The following FGF13 variants were observed in gnomAD, a reference collection of about 807,000 sequenced individuals.
The protein encoded by FGF13 is fibroblast growth factor homologous factor 2.
FGF13 carries 2 observed loss-of-function variants against 19.5 expected under a neutral mutation model. The observed-to-expected ratio is 0.10, with a 90% CI of 0.04 to 0.32. The LOEUF (loss-of-function observed/expected upper bound fraction) is 0.32, where lower values mean the gene tolerates loss of function less well. Among genes scored for constraint, FGF13 ranks in the 10% least tolerant of loss-of-function variants. The pLI, the probability that FGF13 is intolerant of heterozygous loss-of-function variation, is 1.00. For synonymous variants in FGF13, 72 were observed against 76.9 expected (o/e 0.94, Z 0.33); for missense variants, 113 against 192.7 (o/e 0.59, Z 2.45).
In FGF13 at chrX:139,197,730, G is replaced by A. The variant is rs143010435; in HGVS notation, c.-113+5686C>T. ...TAGGAGGCCAGGTGCAGTGGCTCACGCCTGTAATCCCAGCACTTTGGGAGG... is the reference window on the plus strand; with the variant it reads ...TAGGAGGCCAGGTGCAGTGGCTCACACCTGTAATCCCAGCACTTTGGGAGG... On this transcript the variant is annotated intron_variant, in intron 1 of 2. Coordinates refer to the FGF13 transcript ENST00000421460. 2.0e-4 allele frequency among the ~76,000 whole-genome samples: 22 copies of A among 111,674 alleles called. 1 individual carries two copies. In the East Asian group the frequency reaches 6.2e-3, roughly 31 times the overall value.
In FGF13 at chrX:138,630,665, C is replaced by T. The variant is rs2089106550; in HGVS notation, c.*2185G>A. On this transcript the variant is annotated 3_prime_UTR_variant, in exon 5 of 5. Transcript: ENST00000315930. ...AGAAATGAGGAGTCTCCCCTCCTTG[C>T]AAAAGCAGGCTGTTTGGGGCCCCAG... is the stretch of plus-strand genomic sequence containing the variant. The T allele has an allele frequency of 9.0e-6, 1 of 111,304 alleles. No homozygotes were observed. Among genetic ancestry groups the T allele is most frequent in the South Asian group, 3.8e-4 (1 of 2,617 alleles). 9.2% of individuals were successfully genotyped at this position (111,304 alleles called of 1,213,427 possible).
At chrX:138,701,590 G>T (rs1439549745) in intron 3 of FGF13, among the ~76,000 whole-genome samples, 1 of 112,396 alleles carries the variant, frequency 8.9e-6, no homozygotes, top group African/African-American at 3.2e-5. Context: ...AGTGACCAGG[G>T]TTTGAGGTAT....
intron 1 of FGF13, among the ~76,000 whole-genome samples, chrX:139,191,984 G>C (rs2084333823): frequency 8.9e-6 from 1 of 111,815 alleles, no homozygotes; most frequent in Non-Finnish European, 1.9e-5. Context: ...CTCTCTGCGA[G>C]AGCCGAGGCT....
chrX:139,134,805 T>A (rs2083787474), intron 1 of FGF13, among the ~76,000 whole-genome samples: 1 of 111,860 alleles, frequency 8.9e-6, no homozygotes, highest in Non-Finnish European at 1.9e-5. Flanking sequence ...CCCATCCTCA[T>A]GCCTGGCTAA....
intron 1 of FGF13, among the ~76,000 whole-genome samples, chrX:139,176,096 T>C (rs1165028230): frequency 8.9e-6 from 1 of 111,879 alleles, no homozygotes; most frequent in African/African-American, 3.3e-5. Flanking sequence ...ATTGGTCTAT[T>C]CAGGGAATCA....
At position 138,798,976 on chromosome X, in the gene FGF13, G is replaced by A. The variant is rs1177686323; in HGVS notation, c.217+58536C>T. ...TCTGTTCTTTATTAGTCTGGCTAGC[G>A]GTCCATCTATTTTGTTATTCTTTTC... is the stretch of plus-strand genomic sequence containing the variant. On this transcript the variant is annotated intron_variant, in intron 3 of 6. Coordinates refer to the FGF13 transcript ENST00000436198. 1.4e-4 allele frequency among the ~76,000 whole-genome samples: 15 copies of A among 110,612 alleles called. No individual in the cohort carries two copies. In the South Asian group the frequency reaches 1.9e-3, roughly 14 times the overall value.
At chrX:138,640,037 A>G (rs1332111392) in intron 3 of FGF13, among the ~76,000 whole-genome samples, 2 of 111,177 alleles carry the variant, frequency 1.8e-5, no homozygotes, top group East Asian at 5.6e-4. Flanking sequence ...TTATAGTATA[A>G]TGATAATATT....
intron 3 of FGF13, among the ~76,000 whole-genome samples, chrX:138,684,706 C>A (rs2089762310): frequency 9.0e-6 from 1 of 111,592 alleles, no homozygotes; most frequent in Non-Finnish European, 1.9e-5. Context: ...GATGCCTCTG[C>A]AGGCTTTTTA....
intron 1 of FGF13, among the ~76,000 whole-genome samples, chrX:139,020,333 C>G (rs527754545): frequency 9.0e-6 from 1 of 111,272 alleles, no homozygotes; most frequent in Non-Finnish European, 1.9e-5. Context: ...AAACTACCAG[C>G]TTATCAATGT....
intron 1 of FGF13, among the ~76,000 whole-genome samples, chrX:139,146,532 C>G (rs945112903): frequency 5.3e-5 from 6 of 112,175 alleles, no homozygotes; most frequent in African/African-American, 1.9e-4. Flanking sequence ...GGACTGTAAA[C>G]TAGTTAACCA....
intron 1 of FGF13, among the ~76,000 whole-genome samples, chrX:138,875,906 T>C (rs2091386399): frequency 9.0e-6 from 1 of 111,231 alleles, no homozygotes; most frequent in South Asian, 3.8e-4. Context: ...TCTGCATCTC[T>C]AGCTTGTTGA....
At chrX:138,713,157 GC>G (rs745802174), upstream of FGF13, among the ~76,000 whole-genome samples, 4 of 112,478 alleles carry the variant, frequency 3.6e-5, no homozygotes, top group South Asian at 1.1e-3. Context: ...ACTCTTTTGT[GC>G]TTTTGGCTTT....
chrX:138,967,361 C>CA (rs1273871093), intron 1 of FGF13, among the ~76,000 whole-genome samples: 1 of 111,117 alleles, frequency 9.0e-6, no homozygotes, highest in Non-Finnish European at 1.9e-5. Flanking sequence ...TCTTGGCTTA[C>CA]AAAAAATCAT....
intron 3 of FGF13, among the ~76,000 whole-genome samples, chrX:138,828,225 G>A (rs2091046818): frequency 8.9e-6 from 1 of 111,879 alleles, no homozygotes; most frequent in South Asian, 3.7e-4. Flanking sequence ...CTATGTGGAG[G>A]CTAGTTGCCT....
At chrX:138,688,872 T>G (rs1412855426) in intron 3 of FGF13, among the ~76,000 whole-genome samples, 2 of 112,382 alleles carry the variant, frequency 1.8e-5, no homozygotes, top group Non-Finnish European at 3.8e-5. Context: ...ATCAAATCAT[T>G]TAAAGCCTAT....
intron 1 of FGF13, among the ~76,000 whole-genome samples, chrX:138,926,115 G>T (rs1435093705): frequency 2.7e-5 from 3 of 111,948 alleles, no homozygotes; most frequent in Non-Finnish European, 5.6e-5. Flanking sequence ...AGAAATGGAG[G>T]TGAGTGGTTC....
At chrX:139,128,564 C>T (rs2083735648) in intron 1 of FGF13, among the ~76,000 whole-genome samples, 1 of 112,460 alleles carries the variant, frequency 8.9e-6, no homozygotes, top group Non-Finnish European at 1.9e-5. Context: ...TCCTATATAG[C>T]CTCTGCTTTA....
chrX:139,194,278 G>A (rs189158953), intron 1 of FGF13, among the ~76,000 whole-genome samples: 2 of 112,278 alleles, frequency 1.8e-5, no homozygotes, highest in African/African-American at 6.5e-5. Flanking sequence ...ATAATATGCA[G>A]AGAAAAAGGA....
chrX:138,810,267 C>G (rs1178402311), intron 3 of FGF13, among the ~76,000 whole-genome samples: 4 of 111,404 alleles, frequency 3.6e-5, no homozygotes, highest in Non-Finnish European at 7.5e-5. Flanking sequence ...TGGAACAAAA[C>G]AGAGCCCTCA....
Sources: allele counts gnomAD v4.1 joint callset (sites outside exome capture counted in the v4.1 genomes callset), GRCh38; gene constraint gnomAD v4.1.1; transcripts MANE v1.5; gene names NCBI Gene and HGNC (gene_info 2026-07-23, HGNC 2026-07-21).